The following CYP2A7 variants were observed in gnomAD, a reference collection of about 807,000 sequenced individuals.
CYP2A7 encodes the protein cytochrome P450 2A7.
Under a neutral mutation model 42.0 loss-of-function variants are expected in CYP2A7, and 36 were observed. The ratio of observed to expected loss-of-function variants is 0.86; its 90% CI spans 0.66 to 1.13. The LOEUF (loss-of-function observed/expected upper bound fraction) is 1.13. Ranked by LOEUF, CYP2A7 falls within the 50% of genes most tolerant of loss-of-function variation. CYP2A7 has a pLI of 0.00. For synonymous variants in CYP2A7, 260 were observed against 249.5 expected, an observed-to-expected ratio of 1.04 and a Z score of -0.40; for missense variants, 661 against 634.1, an observed-to-expected ratio of 1.04 and a Z score of -0.46.
At chr19:40,877,071 C>G (rs1599791064) in intron 7 of CYP2A7, 119 bp downstream of exon 7, 1 of 1,200,318 alleles carries the variant, frequency 8.3e-7, no homozygotes, top group South Asian at 1.4e-5. Flanking sequence ...TGGGGAAGTC[C>G]TTTTTGACTG....
In CYP2A7 at chr19:40,880,085, T is replaced by A. The variant is rs1967618122; in HGVS notation, c.653A>T (p.Gln218Leu). 2 of 1,612,556 alleles carry A rather than the reference T, an allele frequency of 1.2e-6. No homozygotes were observed. The highest frequency in any genetic ancestry group is 8.5e-7 in the Non-Finnish European group (1 of 1,179,040). The part of the protein sequence containing the change: ...IFQFTSTSTG[Q>L]LYEMFSSVMK... ...ACGGGCCGGGCTGCAGCCAGTTACCTGCCCCGTGGAGGTTGACGTGAACTG... is the reference window on the plus strand; with the variant it reads ...ACGGGCCGGGCTGCAGCCAGTTACCAGCCCCGTGGAGGTTGACGTGAACTG... Residue 218 changes from glutamine to leucine, a missense_variant and splice_region_variant, in exon 4 of 9, where the codon CAG (glutamine) becomes CTG (leucine). This residue lies in a region of CYP2A7 where 614 missense variants were observed against 552.4 expected (regional missense o/e 1.11). Coordinates refer to ENST00000301146, the MANE Select transcript of CYP2A7 (RefSeq NM_000764.3).
At position 40,880,508 on chromosome 19, in the gene CYP2A7, A is replaced by G. The variant is rs754470575; in HGVS notation, c.464T>C (p.Phe155Ser). 5 of 1,612,452 alleles carry G rather than the reference A, an allele frequency of 3.1e-6. No homozygotes were observed. The highest frequency in any genetic ancestry group is 4.2e-6 in the Non-Finnish European group (5 of 1,178,982). ...IEERIQEESG[F>S]LIEAIRSTHG... ...CGTGCTCCGGATGGCCTCGATGAGG[A>G]AGCCCGACTCCTCCTGGATGCGCTC... Residue 155 changes from phenylalanine to serine, a missense_variant, in exon 3 of 9, where the codon TTC (phenylalanine) becomes TCC (serine). Phe to Ser is a radical substitution (Grantham distance 155). Coordinates refer to ENST00000301146, the MANE Select transcript of CYP2A7 (RefSeq NM_000764.3).
In CYP2A7 at chr19:40,876,662, C is replaced by T. The variant is rs545294956; in HGVS notation, c.1168G>A (p.Glu390Lys). The change falls in exon 8 of 9, where the codon GAA becomes AAA. Residue 390 changes from glutamate to lysine, a missense_variant. By Grantham distance (56) the Glu-to-Lys change is moderately conservative. This residue lies in a region of CYP2A7 where 614 missense variants were observed against 552.4 expected (regional missense o/e 1.11). Coordinates refer to ENST00000301146, the MANE Select transcript of CYP2A7 (RefSeq NM_000764.3). ...FRDFFLPKGT[E>K]VFPMLGSVLR... ...ACGGAGCCCAGCATAGGGAACACTT[C>T]GGTGCCCTGGTAGGGAGGAGGAAGT... The T allele has an allele frequency of 1.1e-5, 17 of 1,611,714 alleles. No homozygotes were observed. The East Asian group carries it at 2.2e-4, about 21-fold the overall frequency.
In CYP2A7 at chr19:40,875,763, T is replaced by A. The variant is rs1967514955; in HGVS notation, c.1415A>T (p.Asp472Val). The A allele has an allele frequency of 6.2e-7, 1 of 1,608,038 alleles. No individual in the cohort carries two copies. Among genetic ancestry groups the A allele is most frequent in the South Asian group, 1.1e-5 (1 of 90,764 alleles). Reference protein sequence around the residue: ...LKSSQSPKDIDVSPKHVVFAT... With the variant: ...LKSSQSPKDIVVSPKHVVFAT... ...AAAGACCACGTGTTTGGGGGACACGTCAATGTCCTTAGGTGACTGGGAGGA... is the reference window on the plus strand; with the variant it reads ...AAAGACCACGTGTTTGGGGGACACGACAATGTCCTTAGGTGACTGGGAGGA... The change falls in exon 9 of 9, where the codon GAC becomes GTC. Residue 472 changes from aspartate to valine, a missense_variant. Asp to Val is a radical substitution (Grantham distance 152). Around this residue, in one of 3 missense-constraint regions of CYP2A7, gnomAD observed 25 missense variants for 62.4 expected, o/e 0.40. Transcript: ENST00000301146.
intron 7 of CYP2A7, 193 bp from the exon 8 acceptor site, chr19:40,876,861 G>T: frequency 1.2e-6 from 1 of 807,920 alleles, no homozygotes; most frequent in Non-Finnish European, 1.9e-6. Flanking sequence ...TGGGAGACAT[G>T]GGGTCCATGT....
rs1555785563 is a variant in CYP2A7 at position 40,880,815 on chromosome 19, G to GAGAGAA, written c.344-188_344-187insTTCTCT. On this transcript the variant is annotated intron_variant, in intron 2 of 8. Coordinates refer to ENST00000301146, the MANE Select transcript of CYP2A7 (RefSeq NM_000764.3). ...AACACGAGGGAGAGAGAGAGAGAGA[G>GAGAGAA]AGAGAGAGAGAGAGAGAGAGAGAGA... Among the ~76,000 whole-genome samples the GAGAGAA allele has an allele frequency of 2.7e-4, 10 of 37,554 alleles. 1 individual carries two copies. The highest frequency in any genetic ancestry group is 8.3e-4 in the African/African-American group (9 of 10,784). The allele number at this position is 37,554 out of a possible 152,430, so 24.6% of individuals were successfully genotyped here.
At position 40,878,684 on chromosome 19, in the gene CYP2A7, G is replaced by T. The variant is rs147884612; in HGVS notation, c.831+76C>A. The T allele has an allele frequency of 5.4e-4, 856 of 1,575,710 alleles. 19 individuals carry two copies. The South Asian group carries it at 9.5e-3, about 18-fold the overall frequency. On this transcript the variant is annotated intron_variant, in intron 5 of 8. Transcript: ENST00000301146. ...GGGCTAATTTGAACGGGTCTGTGTCGTCTGCCCGCCCCACTCCCAGTCTGA... is the reference window on the plus strand; with the variant it reads ...GGGCTAATTTGAACGGGTCTGTGTCTTCTGCCCGCCCCACTCCCAGTCTGA...
rs1236000496 is a variant in CYP2A7, at chr19:40,878,576, C to A, written c.831+184G>T. On this transcript the variant is annotated intron_variant, in intron 5 of 8. Coordinates refer to ENST00000301146, the MANE Select transcript of CYP2A7 (RefSeq NM_000764.3). Reference sequence around the variant, plus strand: ...TCTTGAACTCCTGACCTCAGGTGATCCACCTGCCTCGGCCTCCCAAAGTGC... The same window carrying A: ...TCTTGAACTCCTGACCTCAGGTGATACACCTGCCTCGGCCTCCCAAAGTGC... 5.3e-5 allele frequency among the ~76,000 whole-genome samples: 8 copies of A among 151,776 alleles called. No individual in the cohort carries two copies. The East Asian group carries it at 1.5e-3, about 29-fold the overall frequency.
chr19:40,877,470 TC>T, intron 6 of CYP2A7, 93 bp from the exon 7 acceptor site: 1 of 1,544,394 alleles, frequency 6.5e-7, no homozygotes, highest in Non-Finnish European at 8.8e-7. Flanking sequence ...ATGATACGGC[TC>T]CCCCTATGAG....
In CYP2A7 at chr19:40,882,024, G is replaced by T. The variant is rs201955197; in HGVS notation, c.180+7C>A. The T allele has an allele frequency of 9.9e-6, 16 of 1,610,476 alleles. No individual in the cohort carries two copies. Among genetic ancestry groups the T allele is most frequent in the Non-Finnish European group, 1.0e-5 (12 of 1,177,686 alleles). On this transcript the variant is annotated splice_region_variant and intron_variant, in intron 1 of 8. Transcript: ENST00000301146. ...CCTGTGCCACCCATCTTCCTGCCTT[G>T]GGACACCTTCATGATGGAGTCACAT...
rs1181827273 is a variant in CYP2A7 at position 40,875,781 on chromosome 19, T to G, written c.1397A>C (p.Gln466Pro). ...VMQNFRLKSS[Q>P]SPKDIDVSPK... ...GGACACGTCAATGTCCTTAGGTGAC[T>G]GGGAGGACTTGAGGCGGAAGTTCTG... Residue 466 changes from glutamine to proline, a missense_variant, in exon 9 of 9, where the codon CAG becomes CCG. Gln to Pro is a moderately conservative substitution (Grantham distance 76). Coordinates refer to ENST00000301146, the MANE Select transcript of CYP2A7 (RefSeq NM_000764.3). 7 of 1,602,528 alleles carry G rather than the reference T, an allele frequency of 4.4e-6. No homozygotes were observed. Among genetic ancestry groups the G allele is most frequent in the Non-Finnish European group, 6.0e-6 (7 of 1,172,032 alleles).
rs754632816 is a variant in CYP2A7, at chr19:40,876,567, C to T, written c.1263G>A (p.Gly421=). ...FNPQHFLDDK[G]QFKKSDAFVP... ...CAAAAGCATCACTCTTCTTAAACTG[C>T]CCCTTGTCATCCAGGAAATGCTGGG... Residue 421 remains glycine (G), a synonymous_variant, in exon 8 of 9, where the codon GGG becomes GGA. Coordinates refer to ENST00000301146, the MANE Select transcript of CYP2A7 (RefSeq NM_000764.3). 5 of 1,612,926 alleles carry T rather than the reference C, an allele frequency of 3.1e-6. 1 individual carries two copies. The highest frequency in any genetic ancestry group is 3.4e-6 in the Non-Finnish European group (4 of 1,179,306).
rs982658750 is a variant in CYP2A7, at chr19:40,877,557, G to A, written c.974-180C>T. On this transcript the variant is annotated intron_variant, in intron 6 of 8. Coordinates refer to ENST00000301146, the MANE Select transcript of CYP2A7 (RefSeq NM_000764.3). ...GGAGTAGGATCCTGTTAACCAGGTT[G>A]TGCCAGAATCACAGGGGAGGCACAG... 3.0e-4 allele frequency among the ~76,000 whole-genome samples: 46 copies of A among 151,600 alleles called. 1 individual carries two copies. Among genetic ancestry groups the A allele is most frequent in the Non-Finnish European group, 5.2e-4 (35 of 67,800 alleles).
In CYP2A7 at chr19:40,875,582, T is replaced by G; in HGVS notation, c.*111A>C. On this transcript the variant is annotated 3_prime_UTR_variant, in exon 9 of 9. Coordinates refer to ENST00000301146, the MANE Select transcript of CYP2A7 (RefSeq NM_000764.3). ...TCTTCCCTCTAGCCACCACGCCCCT[T>G]CCTTTCCCGCATCTTCCCCCCATTC... 3.9e-6 allele frequency: 6 copies of G among 1,556,604 alleles called. No homozygotes were observed. The highest frequency in any genetic ancestry group is 4.4e-6 in the Non-Finnish European group (5 of 1,143,538).
intron 2 of CYP2A7, 129 bp from the exon 3 acceptor site, chr19:40,880,757 A>C (rs1294622338): frequency 2.0e-6 from 1 of 508,662 alleles, no homozygotes; most frequent in Non-Finnish European, 2.9e-6. Flanking sequence ...ATTCAGTGCC[A>C]GTGCCCAGGA....
At chr19:40,877,016 G>A in intron 7 of CYP2A7, 174 bp downstream of exon 7, 1 of 726,610 alleles carries the variant, frequency 1.4e-6, no homozygotes. Flanking sequence ...GGGAGATGCA[G>A]GACTCAGGAG....
intron 8 of CYP2A7, 73 bp downstream of exon 8, chr19:40,876,454 A>G: frequency 6.2e-7 from 1 of 1,606,928 alleles, no homozygotes; most frequent in East Asian, 2.2e-5. Flanking sequence ...GCTACACCGC[A>G]GAGAGGGGAG....
chr19:40,878,804 A>T lies in CYP2A7; in HGVS notation c.787T>A (p.Ser263Thr), dbSNP rs775445521. The T allele has an allele frequency of 6.2e-7, 1 of 1,611,438 alleles. No homozygotes were observed. Among genetic ancestry groups the T allele is most frequent in the African/African-American group, 1.3e-5 (1 of 74,784 alleles). The part of the protein sequence containing the change: ...EHNQRTLDPN[S>T]PQDFIDSFLI... The stretch of plus-strand genomic sequence containing the variant: ...AAGGAGTCGATGAAGTCCTGTGGGG[A>T]ATTGGGATCCAGCGTGCGCTGGTTG... The change falls in exon 5 of 9, where the codon TCC becomes ACC. Residue 263 changes from serine (S) to threonine (T), a missense_variant. Ser to Thr is a moderately conservative substitution (Grantham distance 58, BLOSUM62 1). Around this residue, in one of 3 missense-constraint regions of CYP2A7, gnomAD observed 614 missense variants for 552.4 expected, o/e 1.11. Transcript: ENST00000301146.
chr19:40,880,035 G>A, intron 4 of CYP2A7, 49 bp downstream of exon 4: 1 of 1,602,726 alleles, frequency 6.2e-7, no homozygotes, highest in Non-Finnish European at 8.5e-7. Context: ...TAGGGGAGCA[G>A]TTGGCAGGTT....
Sources: gnomAD v4.1 joint callset for allele counts (sites outside exome capture counted in the v4.1 genomes callset) on GRCh38, gnomAD v4.1.1 for gene constraint, gnomAD v4.1.1 regional missense constraint, MANE v1.5 for transcripts, NCBI Gene and HGNC (gene_info 2026-07-23, HGNC 2026-07-21) for gene names.